Variants in TSPEAR observed in about 807,000 individuals in gnomAD.
TSPEAR encodes the protein thrombospondin-type laminin G domain and EAR repeat-containing protein.
Under a neutral mutation model 71.6 loss-of-function variants are expected in TSPEAR, and 69 were observed. The observed-to-expected ratio is 0.96, with a 90% confidence interval of 0.79 to 1.18. TSPEAR has a LOEUF of 1.18. Among genes scored for constraint, TSPEAR ranks in the 50% most tolerant of loss-of-function variants. The probability of loss-of-function intolerance (pLI) is 0.00; values close to 1 mark genes in which losing one functional copy is unlikely to be tolerated. For missense variants in TSPEAR, 971 were observed against 894.9 expected (o/e 1.09, Z -1.09); for synonymous variants, 402 against 387.2 (o/e 1.04, Z -0.45).
intron 1 of TSPEAR, among the ~76,000 whole-genome samples, chr21:44,636,822 G>C (rs1983600177): frequency 6.6e-6 from 1 of 152,222 alleles, no homozygotes. Flanking sequence ...TGACTGTCCA[G>C]AGGCCTTGCC....
At chr21:44,627,655 T>C (rs782802379) in intron 1 of TSPEAR, 1 of 1,613,544 alleles carries the variant, frequency 6.2e-7, no homozygotes, top group Admixed American at 1.7e-5. Context: ...TTCCTATTCA[T>C]GCTGCCAACA....
At position 44,690,897 on chromosome 21, in the gene TSPEAR, A is replaced by C. The variant is rs541816885; in HGVS notation, c.82+20536T>G. ...CAAGTAGCTGGGACTACAGGTATGCACCACCATGCCAGGCTCTTTTCAAAA... is the reference window on the plus strand; with the variant it reads ...CAAGTAGCTGGGACTACAGGTATGCCCCACCATGCCAGGCTCTTTTCAAAA... On this transcript the variant is annotated intron_variant, in intron 1 of 11. Transcript: ENST00000323084. Among the ~76,000 whole-genome samples, 3 of 152,336 alleles carry C rather than the reference A, an allele frequency of 2.0e-5. No homozygotes were observed. In the South Asian group the frequency reaches 6.2e-4, roughly 32 times the overall value.
Position 44,666,659 on chromosome 21 carries a change from C to A in TSPEAR, c.82+44774G>T, listed in dbSNP as rs781996523. On this transcript the variant is annotated intron_variant, in intron 1 of 11. Coordinates refer to ENST00000323084, the MANE Select transcript of TSPEAR (RefSeq NM_144991.3). ...ACACAGAAGACTGGCAGCTCACGGG[C>A]ACGCACACAGCTGACTTGAAGCTCA... 3.1e-6 allele frequency: 5 copies of A among 1,613,132 alleles called. No individual in the cohort carries two copies. The Admixed American group carries it at 8.3e-5, about 27-fold the overall frequency.
chr21:44,603,305 A>G (rs1246168443), intron 1 of TSPEAR, among the ~76,000 whole-genome samples: 4 of 152,196 alleles, frequency 2.6e-5, no homozygotes, highest in Admixed American at 2.6e-4. Flanking sequence ...CTCTGGCACC[A>G]GGGCTACACC....
rs368730176 is a variant in TSPEAR, at chr21:44,646,466, C to T, written c.82+64967G>A. The T allele has an allele frequency of 3.4e-5, 54 of 1,610,560 alleles. No individual in the cohort carries two copies. Among genetic ancestry groups the T allele is most frequent in the Non-Finnish European group, 4.2e-5 (50 of 1,178,580 alleles). On this transcript the variant is annotated intron_variant, in intron 1 of 11. Coordinates refer to ENST00000323084, the MANE Select transcript of TSPEAR (RefSeq NM_144991.3). ...CCTCCTCCCCACCCCAGCATGGCCG[C>T]GTCCACCATGTCTGTCTGCTCCAGC...
At chr21:44,596,375 C>T (rs1292393915) in intron 1 of TSPEAR, among the ~76,000 whole-genome samples, 1 of 152,236 alleles carries the variant, frequency 6.6e-6, no homozygotes. Flanking sequence ...GTCCCAACCA[C>T]ACTCAAGGAG....
chr21:44,624,594 TGG>T (rs587706430), intron 1 of TSPEAR, among the ~76,000 whole-genome samples: 69 of 152,372 alleles, frequency 4.5e-4, no homozygotes, highest in African/African-American at 1.2e-3. Context: ...GATTTAAAGG[TGG>T]GCTTCATTCT....
Position 44,567,796 on chromosome 21 carries a change from G to A in TSPEAR, c.292C>T (p.Leu98Phe). ...SIVVTLRVPNLPPKRNEYLLT... is the reference protein window; with the variant it reads ...SIVVTLRVPNFPPKRNEYLLT... ...AAAGTGCCACTGACCTTGGGTGGAA[G>A]ATTGGGAACTCTCAAAGTTACGACG... The change falls in exon 2 of 12, where the codon CTT becomes TTT. Residue 98 changes from leucine (L) to phenylalanine (F), a missense_variant. Physicochemically the swap from Leu to Phe is conservative, Grantham distance 22 (BLOSUM62 0). Coordinates refer to ENST00000323084, the MANE Select transcript of TSPEAR (RefSeq NM_144991.3). 6.4e-7 allele frequency: 1 copy of A among 1,573,198 alleles called. No individual in the cohort carries two copies. Among genetic ancestry groups the A allele is most frequent in the Non-Finnish European group, 8.6e-7 (1 of 1,158,454 alleles).
intron 5 of TSPEAR, 44 bp downstream of exon 5, chr21:44,529,754 T>C (rs1569167063): frequency 6.2e-7 from 1 of 1,610,124 alleles, no homozygotes. Flanking sequence ...GCCAGGGCTC[T>C]CGCATCTGCC....
intron 8 of TSPEAR, 40 bp from the exon 9 acceptor site, chr21:44,522,152 T>A: frequency 6.3e-7 from 1 of 1,586,514 alleles, no homozygotes; most frequent in Non-Finnish European, 8.7e-7. Context: ...GGAGGCAGAT[T>A]CCACAGCCCC....
intron 1 of TSPEAR, among the ~76,000 whole-genome samples, chr21:44,577,892 A>G (rs587663144): frequency 1.3e-5 from 2 of 152,338 alleles, no homozygotes; most frequent in South Asian, 4.1e-4. Flanking sequence ...GAATTCTCAC[A>G]TGTTGTGGGA....
Position 44,525,727 on chromosome 21 carries a change from G to A in TSPEAR, c.1262C>T (p.Thr421Ile). 1 of 1,614,192 alleles carries A rather than the reference G, an allele frequency of 6.2e-7. No homozygotes were observed. The highest frequency in any genetic ancestry group is 1.1e-5 in the South Asian group (1 of 91,076). The part of the protein sequence containing the change: ...LKFTPYQSIA[T>I]HSARDWEAFE... ...GGCCTCCCAGTCTCGGGCGCTGTGT[G>A]TGGCAATGCTCTGATATGGGGTAAA... The change falls in exon 8 of 12, where the codon ACA becomes ATA. Residue 421 changes from threonine (T) to isoleucine (I), a missense_variant. Coordinates refer to ENST00000323084, the MANE Select transcript of TSPEAR (RefSeq NM_144991.3).
chr21:44,575,185 C>A (rs886727014), intron 1 of TSPEAR: 6 of 768,146 alleles, frequency 7.8e-6, no homozygotes, highest in African/African-American at 3.5e-5. Context: ...AGCCCTCTTG[C>A]GGGGGGAGGG....
At chr21:44,657,816 G>A (rs1192016065) in intron 1 of TSPEAR, 7 of 680,588 alleles carry the variant, frequency 1.0e-5, no homozygotes, top group African/African-American at 1.8e-5. Context: ...AGTACACGCG[G>A]GAAAATAAGA....
chr21:44,600,861 C>CT (rs1456402957), intron 1 of TSPEAR: 1 of 1,610,218 alleles, frequency 6.2e-7, no homozygotes, highest in Non-Finnish European at 8.5e-7. Context: ...GCCAATCAGG[C>CT]TGCACCAGCT....
intron 1 of TSPEAR, among the ~76,000 whole-genome samples, chr21:44,575,810 G>A (rs766976459): frequency 1.3e-5 from 2 of 152,208 alleles, no homozygotes; most frequent in Non-Finnish European, 2.9e-5. Context: ...ACAGACAGGC[G>A]ATTGGAATTG....
intron 1 of TSPEAR, chr21:44,677,690 CT>C: frequency 7.0e-7 from 1 of 1,419,386 alleles, no homozygotes; most frequent in Middle Eastern, 1.9e-4. Flanking sequence ...GAGTATCTCC[CT>C]TTTGTTTTTG....
chr21:44,606,694 A>T (rs1981338224), intron 1 of TSPEAR, among the ~76,000 whole-genome samples: 1 of 152,232 alleles, frequency 6.6e-6, no homozygotes, highest in African/African-American at 2.4e-5. Context: ...CGGCCATGAA[A>T]AGGAGAAAAA....
chr21:44,539,015 A>G, intron 2 of TSPEAR: 1 of 569,562 alleles, frequency 1.8e-6, no homozygotes, highest in Non-Finnish European at 3.1e-6. Flanking sequence ...GGGGAGCAGG[A>G]GGAGGTGCTG....
Sources: gnomAD v4.1 joint callset for allele counts (sites outside exome capture counted in the v4.1 genomes callset) on GRCh38, gnomAD v4.1.1 for gene constraint, MANE v1.5 for transcripts, NCBI Gene and HGNC (gene_info 2026-07-23, HGNC 2026-07-21) for gene names.